CUL3: variants seen among roughly 807,000 people sequenced by gnomAD.
CUL3 encodes cullin 3, also known as cullin-3.
Under a neutral mutation model 89.1 loss-of-function variants are expected in CUL3, and 19 were observed. The observed-to-expected ratio is 0.21, with a 90% CI of 0.15 to 0.31. The LOEUF is 0.31. Among genes scored for constraint, CUL3 ranks in the 10% least tolerant of loss-of-function variants. The probability of loss-of-function intolerance (pLI) is 1.00; values close to 1 mark genes in which losing one functional copy is unlikely to be tolerated. For missense variants in CUL3, 469 were observed against 942.3 expected (o/e 0.50, Z 6.58); for synonymous variants, 351 against 308.4 (o/e 1.14, Z -1.45).
chr2:224,504,783 T>C (rs1692528339), intron 8 of CUL3, among the ~76,000 whole-genome samples: 2 of 152,234 alleles, frequency 1.3e-5, no homozygotes, highest in Admixed American at 6.5e-5. Context: ...ACATGTTGCT[T>C]TTCCCTTTGG....
intron 6 of CUL3, among the ~76,000 whole-genome samples, chr2:224,507,269 T>TG (rs1692638027): frequency 6.6e-6 from 1 of 152,116 alleles, no homozygotes; most frequent in Non-Finnish European, 1.5e-5. Context: ...TAAATTTACA[T>TG]GGAAGAGATG....
Position 224,481,964 on chromosome 2 carries a change from T to G in CUL3, c.1957A>C (p.Ile653Leu). 2 of 1,607,398 alleles carry G rather than the reference T, an allele frequency of 1.2e-6. No homozygotes were observed. Among genetic ancestry groups the G allele is most frequent in the East Asian group, 2.2e-5 (1 of 44,638 alleles). ...VLTKEPKSKE[I>L]ENGHIFTVND... ...ACTGTAAATATATGACCATTTTCTA[T>G]TTCCTTTGATTTGGGTTCTTTTGTA... Residue 653 changes from isoleucine to leucine, a missense_variant, in exon 14 of 16, where the codon ATA becomes CTA. Around this residue, in one of 4 missense-constraint regions of CUL3, gnomAD observed 65 missense variants for 147.8 expected, o/e 0.44. Transcript: ENST00000264414.
At chr2:224,552,810 C>G (rs746553305) in intron 2 of CUL3, among the ~76,000 whole-genome samples, 16 of 152,162 alleles carry the variant, frequency 1.1e-4, no homozygotes, top group Non-Finnish European at 1.6e-4. Context: ...GGCAGTTCAG[C>G]TAACTGCCAA....
At chr2:224,504,491 T>C (rs894105407) in intron 8 of CUL3, among the ~76,000 whole-genome samples, 5 of 152,128 alleles carry the variant, frequency 3.3e-5, no homozygotes, top group African/African-American at 1.2e-4. Flanking sequence ...GTATTTTTAG[T>C]AGAGATGGGT....
chr2:224,570,392 T>C (rs1378155690), intron 1 of CUL3, among the ~76,000 whole-genome samples: 9 of 152,242 alleles, frequency 5.9e-5, no homozygotes, highest in Non-Finnish European at 1.5e-5. Flanking sequence ...CCTCATTTGC[T>C]TGTGGCCAGA....
intron 2 of CUL3, among the ~76,000 whole-genome samples, chr2:224,555,025 A>G (rs1694651482): frequency 6.6e-6 from 1 of 152,132 alleles, no homozygotes; most frequent in Non-Finnish European, 1.5e-5. Flanking sequence ...GTTCCTCAGT[A>G]TACGTTACCA....
chr2:224,488,597 C>T (rs1165609792), intron 13 of CUL3, among the ~76,000 whole-genome samples: 1 of 152,136 alleles, frequency 6.6e-6, no homozygotes, highest in African/African-American at 2.4e-5. Flanking sequence ...GGACCAATAA[C>T]AAGTTCTGAA....
intron 1 of CUL3, among the ~76,000 whole-genome samples, chr2:224,561,189 G>A (rs1261383590): frequency 6.6e-6 from 1 of 151,998 alleles, no homozygotes; most frequent in Non-Finnish European, 1.5e-5. Context: ...TTTTTTCACT[G>A]CCAAATTCCT....
chr2:224,500,003 C>T (rs16866015), intron 11 of CUL3: 2,366 of 168,150 alleles, frequency 0.014, 66 homozygotes, highest in African/African-American at 0.053. Context: ...AAGGTATCCA[C>T]GTATTTCCAA....
At chr2:224,506,260 T>C in intron 7 of CUL3, 128 bp from the exon 8 acceptor site, 1 of 619,626 alleles carries the variant, frequency 1.6e-6, no homozygotes, top group Non-Finnish European at 2.6e-6. Flanking sequence ...AAACTTACAG[T>C]TTTGATATTA....
chr2:224,546,430 G>C (rs1024625783), intron 2 of CUL3, among the ~76,000 whole-genome samples: 1 of 151,986 alleles, frequency 6.6e-6, no homozygotes, highest in South Asian at 2.1e-4. Flanking sequence ...ATTAACTCGA[G>C]TAGGGAGAGG....
chr2:224,475,012 T>C (rs1349513183), intron 15 of CUL3, among the ~76,000 whole-genome samples: 1 of 152,190 alleles, frequency 6.6e-6, no homozygotes, highest in African/African-American at 2.4e-5. Context: ...TGTATGAGTT[T>C]ATTTAATTTA....
intron 2 of CUL3, among the ~76,000 whole-genome samples, chr2:224,552,199 G>A (rs1694538929): frequency 1.3e-5 from 2 of 151,712 alleles, no homozygotes; most frequent in Admixed American, 1.3e-4. Flanking sequence ...CTGAAAAGCA[G>A]AACTTTTTTC....
At chr2:224,578,467 ATTTT>A (rs955899990) in intron 1 of CUL3, among the ~76,000 whole-genome samples, 1 of 151,932 alleles carries the variant, frequency 6.6e-6, no homozygotes, top group South Asian at 2.1e-4. Context: ...ATTACAGGTG[ATTTT>A]TTTTATTTCC....
intron 3 of CUL3, among the ~76,000 whole-genome samples, chr2:224,534,872 G>A (rs1183615056): frequency 6.6e-6 from 1 of 151,578 alleles, no homozygotes; most frequent in Non-Finnish European, 1.5e-5. Flanking sequence ...GTGGTGACGG[G>A]CACCTGTAGT....
intron 2 of CUL3, among the ~76,000 whole-genome samples, chr2:224,549,233 C>G (rs1162498793): frequency 6.6e-6 from 1 of 151,766 alleles, no homozygotes; most frequent in Non-Finnish European, 1.5e-5. Context: ...ACGAGATTTG[C>G]TTGAAACTAC....
chr2:224,528,692 C>G (rs1693575447), intron 3 of CUL3, among the ~76,000 whole-genome samples: 1 of 152,092 alleles, frequency 6.6e-6, no homozygotes, highest in African/African-American at 2.4e-5. Context: ...GTTATTTTTA[C>G]ACACCACTTC....
At chr2:224,577,971 A>C (rs35632843) in intron 1 of CUL3, among the ~76,000 whole-genome samples, 28,904 of 152,138 alleles carry the variant, frequency 0.19, 3,076 homozygotes, top group South Asian at 0.27. Flanking sequence ...CAAATTATTT[A>C]GCCTCTCAAA....
In CUL3 at chr2:224,485,589, A is replaced by G. The variant is rs1163723838; in HGVS notation, c.1843-3511T>C. 1.3e-5 allele frequency among the ~76,000 whole-genome samples: 2 copies of G among 152,170 alleles called. No homozygotes were observed. Among genetic ancestry groups the G allele is most frequent in the Non-Finnish European group, 1.5e-5 (1 of 68,004 alleles). On this transcript the variant is annotated intron_variant, in intron 13 of 15. Coordinates refer to ENST00000264414, the MANE Select transcript of CUL3 (RefSeq NM_003590.5). The surrounding 1 kb of genome is among the most constrained non-coding windows in gnomAD (Gnocchi z 4.1). The stretch of plus-strand genomic sequence containing the variant: ...CTCTTGACTGGGCAGGGCATCTCGG[A>G]AAGAAAGGCAGCAGCCTGAGTCACG...
Sources: gnomAD v4.1 joint callset for allele counts (sites outside exome capture counted in the v4.1 genomes callset) on GRCh38, gnomAD v4.1.1 for gene constraint, gnomAD v4.1.1 regional missense constraint, Gnocchi (gnomAD v3.1) non-coding constraint, MANE v1.5 for transcripts, NCBI Gene and HGNC (gene_info 2026-07-23, HGNC 2026-07-21) for gene names.